ARHGAP10: variants seen among roughly 807,000 people sequenced by gnomAD.
The protein encoded by ARHGAP10 is rho GTPase-activating protein 10.
Under a neutral mutation model 108.6 loss-of-function variants are expected in ARHGAP10, and 87 were observed. The observed-to-expected ratio is 0.80, with a 90% CI of 0.67 to 0.96. The LOEUF (loss-of-function observed/expected upper bound fraction) is 0.96. Ranked by LOEUF, ARHGAP10 falls within the 40% of genes least tolerant of loss-of-function variation. The probability of loss-of-function intolerance (pLI) is 0.00; values close to 1 mark genes in which losing one functional copy is unlikely to be tolerated. For synonymous variants in ARHGAP10, 347 were observed against 341.1 expected (o/e 1.02, Z -0.19); for missense variants, 939 against 954.5 (o/e 0.98, Z 0.21).
At chr4:147,978,501 G>C (rs1360630229) in intron 18 of ARHGAP10, among the ~76,000 whole-genome samples, 2 of 152,144 alleles carry the variant, frequency 1.3e-5, no homozygotes, top group South Asian at 2.1e-4. Context: ...TCCCCATGCT[G>C]TTCCTGTGAT....
intron 20 of ARHGAP10, among the ~76,000 whole-genome samples, chr4:148,056,053 T>C (rs1729351486): frequency 6.6e-6 from 1 of 152,210 alleles, no homozygotes; most frequent in African/African-American, 2.4e-5. Flanking sequence ...CACTTAGTTG[T>C]TTACGTTTTG....
chr4:147,738,413 C>T (rs1484932301), intron 1 of ARHGAP10, among the ~76,000 whole-genome samples: 1 of 152,006 alleles, frequency 6.6e-6, no homozygotes, highest in African/African-American at 2.4e-5. Context: ...ATTAGCCGGG[C>T]GTAGTGGAGG....
chr4:147,961,666 C>T (rs1258255053), intron 16 of ARHGAP10, among the ~76,000 whole-genome samples: 1 of 151,928 alleles, frequency 6.6e-6, no homozygotes, highest in Non-Finnish European at 1.5e-5. Context: ...CCACTCTTCT[C>T]CCCTTCTCCA....
At chr4:147,955,251 T>C in intron 15 of ARHGAP10, 65 bp from the exon 16 acceptor site, 1 of 1,461,062 alleles carries the variant, frequency 6.8e-7, no homozygotes, top group Non-Finnish European at 9.4e-7. Context: ...CATCCTTTCA[T>C]AAAAAAACTC....
chr4:147,889,633 A>C lies in ARHGAP10; in HGVS notation c.1034+7701A>C, dbSNP rs1180777934. Among the ~76,000 whole-genome samples the C allele has an allele frequency of 3.3e-5, 5 of 151,834 alleles. No homozygotes were observed. The East Asian group carries it at 9.7e-4, about 29-fold the overall frequency. On this transcript the variant is annotated intron_variant, in intron 10 of 22. Transcript: ENST00000336498. Reference sequence around the variant, plus strand: ...GGATACCTTCTTATAGCAATTTCTCAGTTGATTGTATATGTCTAATGTAAA... The same window carrying C: ...GGATACCTTCTTATAGCAATTTCTCCGTTGATTGTATATGTCTAATGTAAA...
chr4:147,798,468 T>C (rs1731406753), intron 1 of ARHGAP10, among the ~76,000 whole-genome samples: 1 of 152,148 alleles, frequency 6.6e-6, no homozygotes, highest in Non-Finnish European at 1.5e-5. Flanking sequence ...CCCTGCACTT[T>C]GGGCAGCCTA....
chr4:147,965,440 A>G (rs1739168925), intron 17 of ARHGAP10, among the ~76,000 whole-genome samples: 1 of 152,222 alleles, frequency 6.6e-6, no homozygotes, highest in Non-Finnish European at 1.5e-5. Context: ...TTGGTTTCAC[A>G]CCTACCTACC....
At chr4:147,780,132 T>C (rs578253537) in intron 1 of ARHGAP10, among the ~76,000 whole-genome samples, 1 of 152,336 alleles carries the variant, frequency 6.6e-6, no homozygotes, top group African/African-American at 2.4e-5. Context: ...TGTAGAAAAG[T>C]TGGAACATAA....
intron 10 of ARHGAP10, among the ~76,000 whole-genome samples, chr4:147,902,171 C>G (rs1180085119): frequency 6.6e-6 from 1 of 152,174 alleles, no homozygotes; most frequent in Non-Finnish European, 1.5e-5. Flanking sequence ...TTCCCAAGCC[C>G]ATTCATTGTT....
intron 22 of ARHGAP10, among the ~76,000 whole-genome samples, chr4:148,070,747 G>A (rs1278939057): frequency 6.6e-6 from 1 of 152,182 alleles, no homozygotes; most frequent in Non-Finnish European, 1.5e-5. Context: ...CTCCTGGGTT[G>A]TGATCAGAAG....
chr4:147,905,025 G>C (rs1482841566), intron 10 of ARHGAP10, among the ~76,000 whole-genome samples: 8 of 152,128 alleles, frequency 5.3e-5, no homozygotes, highest in Non-Finnish European at 8.8e-5. Context: ...CTGCATAAAT[G>C]TCTTCTTTTG....
At chr4:147,805,328 G>T (rs1731740073) in intron 1 of ARHGAP10, among the ~76,000 whole-genome samples, 1 of 152,092 alleles carries the variant, frequency 6.6e-6, no homozygotes, top group Admixed American at 6.6e-5. Flanking sequence ...TGTTCCATTT[G>T]TCTGTGTGTC....
intron 1 of ARHGAP10, among the ~76,000 whole-genome samples, chr4:147,818,998 ATATAAC>A (rs1310715484): frequency 2.6e-5 from 4 of 152,246 alleles, no homozygotes; most frequent in Non-Finnish European, 4.4e-5. Context: ...TGAAGAAATG[ATATAAC>A]TATAATTCTT....
chr4:148,031,103 A>G (rs1321574661), intron 19 of ARHGAP10, among the ~76,000 whole-genome samples: 1 of 152,184 alleles, frequency 6.6e-6, no homozygotes, highest in Non-Finnish European at 1.5e-5. Flanking sequence ...GGCATTTTGG[A>G]TCTACTAATA....
chr4:147,811,603 CA>C (rs1732023005), intron 1 of ARHGAP10, among the ~76,000 whole-genome samples: 1 of 146,518 alleles, frequency 6.8e-6, no homozygotes, highest in Non-Finnish European at 1.5e-5. Context: ...AAAAAAAAAA[CA>C]AAAAACAAAA....
At chr4:147,920,801 G>C (rs921385444) in intron 13 of ARHGAP10, among the ~76,000 whole-genome samples, 15 of 152,222 alleles carry the variant, frequency 9.9e-5, no homozygotes, top group African/African-American at 3.6e-4. Context: ...CTGTCTTTAG[G>C]AGTAGGCTTC....
At chr4:148,031,743 A>C (rs957789512) in intron 19 of ARHGAP10, among the ~76,000 whole-genome samples, 4 of 152,212 alleles carry the variant, frequency 2.6e-5, no homozygotes, top group African/African-American at 9.7e-5. Context: ...GATCCAGGAG[A>C]TAAAGGAGAA....
chr4:148,009,366 A>G (rs540465296), intron 18 of ARHGAP10, among the ~76,000 whole-genome samples: 1 of 152,272 alleles, frequency 6.6e-6, no homozygotes, highest in Admixed American at 6.5e-5. Flanking sequence ...TCCTGACCTC[A>G]AGTGATCTGC....
chr4:147,749,522 G>A (rs1000185165), intron 1 of ARHGAP10, among the ~76,000 whole-genome samples: 1 of 152,058 alleles, frequency 6.6e-6, no homozygotes, highest in African/African-American at 2.4e-5. Flanking sequence ...TTTAAACAAA[G>A]AAAACATTTC....
Sources: allele counts gnomAD v4.1 joint callset (sites outside exome capture counted in the v4.1 genomes callset), GRCh38; gene constraint gnomAD v4.1.1; transcripts MANE v1.5; gene names NCBI Gene and HGNC (gene_info 2026-07-23, HGNC 2026-07-21).